The following KALRN variants were observed in gnomAD, a reference collection of about 807,000 sequenced individuals.
The protein encoded by KALRN is kalirin RhoGEF kinase.
A neutral mutation model predicts 353.7 loss-of-function variants in KALRN; 70 were observed. The ratio of observed to expected loss-of-function variants is 0.20; its 90% CI spans 0.16 to 0.24. The LOEUF (loss-of-function observed/expected upper bound fraction) is 0.24, where lower values mean the gene tolerates loss of function less well. KALRN is among the 10% of genes least tolerant of loss of function. KALRN has a pLI of 1.00. For missense variants in KALRN, 2,791 were observed against 3,756.7 expected (o/e 0.74, Z 6.72); for synonymous variants, 1,391 against 1,434.8 (o/e 0.97, Z 0.69).
At chr3:124,413,971 G>A (rs1347704672) in intron 14 of KALRN, among the ~76,000 whole-genome samples, 1 of 151,950 alleles carries the variant, frequency 6.6e-6, no homozygotes, top group East Asian at 1.9e-4. Flanking sequence ...CCAGGTGTGG[G>A]GGCAGATGCC....
intron 1 of KALRN, among the ~76,000 whole-genome samples, chr3:124,131,824 G>A (rs1248628594): frequency 6.6e-6 from 1 of 152,106 alleles, no homozygotes; most frequent in Non-Finnish European, 1.5e-5. Flanking sequence ...AGACAACCCA[G>A]GCCCATTTCT....
intron 17 of KALRN, among the ~76,000 whole-genome samples, chr3:124,437,324 C>A (rs928133404): frequency 9.2e-5 from 14 of 152,194 alleles, no homozygotes; most frequent in Non-Finnish European, 2.1e-4. Context: ...GCTATGAGAG[C>A]GTTCTTCCTG....
At chr3:124,366,610 A>T (rs1322801472) in intron 10 of KALRN, among the ~76,000 whole-genome samples, 1 of 151,198 alleles carries the variant, frequency 6.6e-6, no homozygotes, top group Non-Finnish European at 1.5e-5. Flanking sequence ...ACTTCTTTCT[A>T]CACAGACACG....
At chr3:124,707,581 C>T (rs1011433078) in intron 57 of KALRN, among the ~76,000 whole-genome samples, 1 of 152,090 alleles carries the variant, frequency 6.6e-6, no homozygotes, top group African/African-American at 2.4e-5. Context: ...GCACAAACAG[C>T]AAAAACTCCA....
At chr3:124,238,690 G>T (rs1470196143) in intron 3 of KALRN, among the ~76,000 whole-genome samples, 1 of 152,178 alleles carries the variant, frequency 6.6e-6, no homozygotes, top group African/African-American at 2.4e-5. Flanking sequence ...AATCCTAAGA[G>T]AACTTCTTTT....
intron 45 of KALRN, among the ~76,000 whole-genome samples, chr3:124,663,194 G>C (rs940042961): frequency 6.6e-6 from 1 of 152,116 alleles, no homozygotes; most frequent in Admixed American, 6.5e-5. Flanking sequence ...TGATCCGCCC[G>C]CCTCGGCCTC....
chr3:124,661,798 T>G (rs765313921), intron 44 of KALRN, 53 bp from the exon 45 acceptor site: 13 of 1,406,192 alleles, frequency 9.2e-6, no homozygotes, highest in Middle Eastern at 1.7e-4. Flanking sequence ...TACCAAGAGC[T>G]TCCTGCCTGA....
chr3:124,637,190 C>T lies in KALRN; in HGVS notation c.5569-18C>T, dbSNP rs1292533839. ...TCTTTGCTAATCTGCTTTTCCTCTG[C>T]TGCCCGATGTCTTGCAGTCCTCCTC... On this transcript the variant is annotated intron_variant, in intron 36 of 59. Transcript: ENST00000682506. 4 of 1,594,058 alleles carry T rather than the reference C, an allele frequency of 2.5e-6. No homozygotes were observed. The Admixed American group carries it at 6.7e-5, about 27-fold the overall frequency.
At chr3:124,515,115 G>T (rs2066387028) in intron 33 of KALRN, among the ~76,000 whole-genome samples, 1 of 152,200 alleles carries the variant, frequency 6.6e-6, no homozygotes, top group Non-Finnish European at 1.5e-5. Flanking sequence ...ACGAGAAAAG[G>T]TATAATATAA....
chr3:124,105,038 A>C (rs776886924), intron 1 of KALRN, among the ~76,000 whole-genome samples: 1 of 152,204 alleles, frequency 6.6e-6, no homozygotes, highest in African/African-American at 2.4e-5. Context: ...GGTGCTGGTC[A>C]TGTTCTTTAA....
At chr3:124,295,660 G>C (rs1341773095) in intron 5 of KALRN, among the ~76,000 whole-genome samples, 1 of 152,160 alleles carries the variant, frequency 6.6e-6, no homozygotes, top group East Asian at 1.9e-4. Flanking sequence ...ATCCAAGAAA[G>C]TGTATGGAGT....
chr3:124,307,921 C>T (rs986252241), intron 6 of KALRN, among the ~76,000 whole-genome samples: 3 of 151,836 alleles, frequency 2.0e-5, no homozygotes, highest in Non-Finnish European at 4.4e-5. Flanking sequence ...ACAGGAGGCA[C>T]ATTTTGGATT....
chr3:124,286,127 C>CTTTCTT (rs2075860442), intron 5 of KALRN, among the ~76,000 whole-genome samples: 1 of 144,170 alleles, frequency 6.9e-6, no homozygotes, highest in Non-Finnish European at 1.5e-5. Context: ...TTCTTTCTTT[C>CTTTCTT]TTTCTTTCTT....
chr3:124,543,839 GAAAGACAAGGGA>G (rs1225144610), intron 33 of KALRN, among the ~76,000 whole-genome samples: 1 of 152,116 alleles, frequency 6.6e-6, no homozygotes, highest in Non-Finnish European at 1.5e-5. Flanking sequence ...TATAAGAAAA[GAAAGACAAGGGA>G]AAAACAGAAG....
chr3:124,093,614 A>G lies in KALRN; in HGVS notation c.73+59801A>G, dbSNP rs146516107. On this transcript the variant is annotated intron_variant, in intron 1 of 59. Transcript: ENST00000682506. ...CTTTTCTCCTTGCCTTGAAAATAACATTGTATCAGGGACTCAGATGCCCTT... is the reference window on the plus strand; with the variant it reads ...CTTTTCTCCTTGCCTTGAAAATAACGTTGTATCAGGGACTCAGATGCCCTT... 6.7e-3 allele frequency among the ~76,000 whole-genome samples: 1,024 copies of G among 152,330 alleles called. 13 individuals carry two copies. The highest frequency in any genetic ancestry group is 0.023 in the African/African-American group (964 of 41,580).
intron 1 of KALRN, among the ~76,000 whole-genome samples, chr3:124,212,484 A>C (rs765113708): frequency 6.6e-6 from 1 of 152,200 alleles, no homozygotes; most frequent in Non-Finnish European, 1.5e-5. Context: ...TATTTAATTT[A>C]TACCTATTTC....
chr3:124,652,756 T>C (rs1222193923), intron 38 of KALRN, among the ~76,000 whole-genome samples: 1 of 152,082 alleles, frequency 6.6e-6, no homozygotes, highest in Non-Finnish European at 1.5e-5. Context: ...TTTTTGTATT[T>C]TTAGTAGAGA....
At chr3:124,622,623 G>A (rs1210413659) in intron 34 of KALRN, among the ~76,000 whole-genome samples, 1 of 152,172 alleles carries the variant, frequency 6.6e-6, no homozygotes, top group African/African-American at 2.4e-5. Flanking sequence ...TAGGGTCCCA[G>A]CCTACCCCTT....
At chr3:124,718,781 C>T (rs2063285497) in intron 59 of KALRN, 144 bp from the exon 60 acceptor site, 22 of 701,688 alleles carry the variant, frequency 3.1e-5, no homozygotes, top group Admixed American at 2.9e-4. Context: ...ATGCAGTTTC[C>T]GTAGTGCATA....
Sources: allele counts gnomAD v4.1 joint callset (sites outside exome capture counted in the v4.1 genomes callset), GRCh38; gene constraint gnomAD v4.1.1; transcripts MANE v1.5; gene names NCBI Gene and HGNC (gene_info 2026-07-23, HGNC 2026-07-21).